PON3: variants seen among roughly 807,000 people sequenced by gnomAD.
PON3 encodes the protein serum paraoxonase/lactonase 3.
A neutral mutation model predicts 36.3 loss-of-function variants in PON3; 37 were observed. The observed-to-expected ratio is 1.02, with a 90% confidence interval of 0.78 to 1.34. The LOEUF (loss-of-function observed/expected upper bound fraction) is 1.34, where lower values mean the gene tolerates loss of function less well. Among genes scored for constraint, PON3 ranks in the 40% most tolerant of loss-of-function variants. The pLI, the probability that PON3 is intolerant of heterozygous loss-of-function variation, is 0.00. For missense variants in PON3, 415 were observed against 426.5 expected, an observed-to-expected ratio of 0.97 and a Z score of 0.24; for synonymous variants, 155 against 154.8, an observed-to-expected ratio of 1.00 and a Z score of -0.01.
chr7:95,394,770 T>C, intron 1 of PON3, 56 bp from the exon 2 acceptor site: 1 of 1,398,394 alleles, frequency 7.2e-7, no homozygotes, highest in Non-Finnish European at 1.0e-6. Context: ...AAAATGTATG[T>C]TTAAATGTGG....
chr7:95,369,535 G>A (rs1419260762), intron 4 of PON3, among the ~76,000 whole-genome samples: 2 of 152,172 alleles, frequency 1.3e-5, no homozygotes, highest in Non-Finnish European at 2.9e-5. Context: ...AACACTTTGG[G>A]AGGCCAAGGC....
At chr7:95,377,710 A>C (rs1368778741) in intron 3 of PON3, 1 of 225,850 alleles carries the variant, frequency 4.4e-6, no homozygotes, top group Non-Finnish European at 9.4e-6. Context: ...GAAAACTAAC[A>C]AACAGAAAGG....
intron 3 of PON3, among the ~76,000 whole-genome samples, chr7:95,372,600 A>G (rs1254711385): frequency 6.6e-6 from 1 of 152,128 alleles, no homozygotes; most frequent in African/African-American, 2.4e-5. Flanking sequence ...AGTTAAGCCA[A>G]AAAAATATAA....
Position 95,396,096 on chromosome 7 carries a change from G to T in PON3, c.74+181C>A, listed in dbSNP as rs1051628064. 8 of 694,668 alleles carry T rather than the reference G, an allele frequency of 1.2e-5. No homozygotes were observed. In the Admixed American group the frequency reaches 1.6e-4, roughly 14 times the overall value. 43.0% of individuals were successfully genotyped at this position (694,668 alleles called of 1,614,324 possible). Reference sequence around the variant, plus strand: ...ATTCGGCTCGGCAGTCTTTGGAAACGCAAGTAGCTCACTTTCCCCATAAGC... The same window carrying T: ...ATTCGGCTCGGCAGTCTTTGGAAACTCAAGTAGCTCACTTTCCCCATAAGC... On this transcript the variant is annotated intron_variant, in intron 1 of 8. Coordinates refer to ENST00000265627, the MANE Select transcript of PON3 (RefSeq NM_000940.3).
At chr7:95,393,017 G>C (rs901968390) in intron 2 of PON3, among the ~76,000 whole-genome samples, 2 of 152,134 alleles carry the variant, frequency 1.3e-5, no homozygotes, top group African/African-American at 4.8e-5. Context: ...TTCAGGAAAG[G>C]CGTTTTCTTT....
chr7:95,374,918 T>C (rs1247070387), intron 3 of PON3, among the ~76,000 whole-genome samples: 1 of 152,118 alleles, frequency 6.6e-6, no homozygotes, highest in Non-Finnish European at 1.5e-5. Context: ...TTGCAGATCT[T>C]ATACATAAAG....
chr7:95,370,071 C>G (rs1288614742), intron 4 of PON3, among the ~76,000 whole-genome samples: 2 of 152,164 alleles, frequency 1.3e-5, no homozygotes, highest in Non-Finnish European at 2.9e-5. Flanking sequence ...TCCAGTGAAA[C>G]TGGAGAGCAT....
At chr7:95,386,595 C>G (rs1450500268) in intron 3 of PON3, among the ~76,000 whole-genome samples, 3 of 152,210 alleles carry the variant, frequency 2.0e-5, no homozygotes, top group African/African-American at 7.2e-5. Flanking sequence ...CTATTCCAAT[C>G]AATAGAAAAG....
At position 95,390,303 on chromosome 7, in the gene PON3, T is replaced by C. The variant is rs1809291435; in HGVS notation, c.146-94A>G. On this transcript the variant is annotated intron_variant, in intron 2 of 8. Transcript: ENST00000265627. Reference sequence around the variant, plus strand: ...ACTACAAATATCTTTTGGAAACTTCTTTTGGAAATTGTTGACTTGTTCAAC... The same window carrying C: ...ACTACAAATATCTTTTGGAAACTTCCTTTGGAAATTGTTGACTTGTTCAAC... The C allele has an allele frequency of 2.9e-6, 3 of 1,039,358 alleles. No homozygotes were observed. The South Asian group carries it at 3.8e-5, about 13-fold the overall frequency. 64.4% of individuals were successfully genotyped at this position (1,039,358 alleles called of 1,614,324 possible). A position where few individuals can be genotyped will look rare whatever the true frequency, so the allele number is the denominator to read the frequency against.
At position 95,394,660 on chromosome 7, in the gene PON3, G is replaced by A; in HGVS notation, c.129C>T (p.His43=). Residue 43 remains histidine, a synonymous_variant, in exon 2 of 9, where the codon CAC becomes CAT. Coordinates refer to ENST00000265627, the MANE Select transcript of PON3 (RefSeq NM_000940.3). ...CATACATACCAAGTTCCTCAATAAG[G>A]TGGCAGTTTTCAGGTTCTACTGGCT... is the stretch of plus-strand genomic sequence containing the variant. ...EVEPVEPENC[H]LIEELESGSE... is the part of the protein sequence containing the mutation. 1 of 1,614,070 alleles carries A rather than the reference G, an allele frequency of 6.2e-7. No individual in the cohort carries two copies. Among genetic ancestry groups the A allele is most frequent in the Non-Finnish European group, 8.5e-7 (1 of 1,179,968 alleles).
At chr7:95,390,256 A>C (rs1257174962) in intron 2 of PON3, 47 bp from the exon 3 acceptor site, 1 of 1,415,066 alleles carries the variant, frequency 7.1e-7, no homozygotes, top group Admixed American at 1.7e-5. Flanking sequence ...TGAAGGCTTA[A>C]AAAATACGTC....
chr7:95,371,799 G>A (rs1187259665), intron 4 of PON3, among the ~76,000 whole-genome samples: 1 of 152,036 alleles, frequency 6.6e-6, no homozygotes, highest in Non-Finnish European at 1.5e-5. Context: ...ACTTTGATGA[G>A]TCTAATTTGT....
At position 95,364,030 on chromosome 7, in the gene PON3, C is replaced by T. The variant is rs752466259; in HGVS notation, c.528G>A (p.Gln176=). 2 of 1,613,690 alleles carry T rather than the reference C, an allele frequency of 1.2e-6. No homozygotes were observed. The highest frequency in any genetic ancestry group is 2.7e-5 in the African/African-American group (2 of 75,018). Residue 176 remains glutamine (Q), a synonymous_variant, in exon 6 of 9, where the codon CAG becomes CAA. Coordinates refer to ENST00000265627, the MANE Select transcript of PON3 (RefSeq NM_000940.3). ...VNDIVVLGPE[Q]FYATRDHYFT... Reference sequence around the variant, plus strand: ...AATAGTGGTCTCTGGTGGCATAGAACTGTTCTGGTCCAAGAACCACAATGT... The same window carrying T: ...AATAGTGGTCTCTGGTGGCATAGAATTGTTCTGGTCCAAGAACCACAATGT...
At chr7:95,375,453 C>G (rs1808896443) in intron 3 of PON3, among the ~76,000 whole-genome samples, 2 of 151,702 alleles carry the variant, frequency 1.3e-5, no homozygotes, top group Admixed American at 6.6e-5. Context: ...GGAAATGAGG[C>G]CTAGAAGAGT....
In PON3 at chr7:95,392,414, C is replaced by T. The variant is rs150631497; in HGVS notation, c.146-2205G>A. On this transcript the variant is annotated intron_variant, in intron 2 of 8. Transcript: ENST00000265627. ...GTTGAGTGATACAATTCGAGTCAGACTAGACCCTACCAATCATCTAGTCTA... is the reference window on the plus strand; with the variant it reads ...GTTGAGTGATACAATTCGAGTCAGATTAGACCCTACCAATCATCTAGTCTA... Among the ~76,000 whole-genome samples the T allele has an allele frequency of 4.2e-3, 640 of 152,300 alleles. 4 individuals carry two copies. The highest frequency in any genetic ancestry group is 0.015 in the African/African-American group (619 of 41,552).
chr7:95,372,446 T>A, intron 3 of PON3, 108 bp from the exon 4 acceptor site: 11 of 1,227,296 alleles, frequency 9.0e-6, no homozygotes, highest in African/African-American at 1.5e-5. Context: ...GTTCTAAATT[T>A]CATTTAGATT....
intron 3 of PON3, 48 bp downstream of exon 3, chr7:95,390,106 C>T (rs375891069): frequency 6.6e-7 from 1 of 1,523,106 alleles, no homozygotes; most frequent in South Asian, 1.1e-5. Flanking sequence ...AATGCACTGT[C>T]TATACAGCTA....
chr7:95,382,631 C>CA (rs1809087599), intron 3 of PON3, among the ~76,000 whole-genome samples: 1 of 152,174 alleles, frequency 6.6e-6, no homozygotes, highest in Non-Finnish European at 1.5e-5. Flanking sequence ...TCAACACATA[C>CA]ACCCTCCCAA....
intron 3 of PON3, among the ~76,000 whole-genome samples, chr7:95,379,249 A>T (rs568273696): frequency 3.7e-4 from 57 of 152,386 alleles, no homozygotes; most frequent in African/African-American, 1.3e-3. Flanking sequence ...AAATAGGAAC[A>T]GCCCCAATCT....
Sources: gnomAD v4.1 joint callset for allele counts (sites outside exome capture counted in the v4.1 genomes callset) on GRCh38, gnomAD v4.1.1 for gene constraint, MANE v1.5 for transcripts, NCBI Gene and HGNC (gene_info 2026-07-23, HGNC 2026-07-21) for gene names.